Variants in MSN observed in about 807,000 individuals in gnomAD.
MSN encodes moesin.
In MSN, 2 loss-of-function variants were observed where a neutral mutation model predicts 48.0. That is an observed-to-expected ratio of 0.04 (90% confidence interval 0.02 to 0.13). The LOEUF (loss-of-function observed/expected upper bound fraction) is 0.13, where lower values mean the gene tolerates loss of function less well. Ranked by LOEUF, MSN falls within the 10% of genes least tolerant of loss-of-function variation. MSN has a pLI of 1.00. For synonymous variants in MSN, 146 were observed against 166.9 expected (o/e 0.87, Z 0.97); for missense variants, 267 against 470.1 (o/e 0.57, Z 3.99).
At chrX:65,737,798 A>G (rs1023969428) in intron 10 of MSN, among the ~76,000 whole-genome samples, 2 of 90,700 alleles carry the variant, frequency 2.2e-5, no homozygotes, top group African/African-American at 1.0e-4. Flanking sequence ...GTAGCTAAAT[A>G]AGGATTAGAA....
intron 1 of MSN, among the ~76,000 whole-genome samples, chrX:65,620,019 C>T (rs774545033): frequency 2.7e-5 from 3 of 111,673 alleles, no homozygotes; most frequent in Admixed American, 1.9e-4. Flanking sequence ...TTAGGCTGCT[C>T]GGGGATCAGG....
At chrX:65,647,401 T>G (rs1360859217) in intron 1 of MSN, among the ~76,000 whole-genome samples, 1 of 110,567 alleles carries the variant, frequency 9.0e-6, no homozygotes. Context: ...TTAGTAGAGG[T>G]GGGATTTTGC....
chrX:65,618,709 T>G (rs1366781228), intron 1 of MSN, among the ~76,000 whole-genome samples: 1 of 110,195 alleles, frequency 9.1e-6, no homozygotes, highest in Non-Finnish European at 1.9e-5. Flanking sequence ...CCATTTACAT[T>G]TAAAGTTAAT....
chrX:65,608,071 C>A (rs1474309499), intron 1 of MSN, among the ~76,000 whole-genome samples: 1 of 112,192 alleles, frequency 8.9e-6, no homozygotes, highest in African/African-American at 3.2e-5. Flanking sequence ...AGGTGCAGGA[C>A]AAAGCTCTGT....
rs376907310 is a variant in MSN at position 65,695,062 on chromosome X, T to TTG, written c.13-21742_13-21741dup. ...TATGCTGGTAGCTTTCACTTCTTCT[T>TTG]TGTGTGTGTGTGTGTCTGCGTGTGT... On this transcript the variant is annotated intron_variant, in intron 1 of 12. Coordinates refer to ENST00000360270, the MANE Select transcript of MSN (RefSeq NM_002444.3). Among the ~76,000 whole-genome samples the TTG allele has an allele frequency of 4.5e-3, 495 of 108,846 alleles. 1 individual carries two copies. The highest frequency in any genetic ancestry group is 8.4e-3 in the African/African-American group (249 of 29,603). The allele number at this position is 108,846 out of a possible 115,157, so 94.5% of individuals were successfully genotyped here.
intron 1 of MSN, among the ~76,000 whole-genome samples, chrX:65,673,845 T>C (rs950712863): frequency 2.7e-5 from 3 of 111,596 alleles, no homozygotes; most frequent in Non-Finnish European, 5.6e-5. Flanking sequence ...TTGAGTGAAC[T>C]GGTGATAGTG....
chrX:65,702,007 C>CTT (rs370395222), intron 1 of MSN, among the ~76,000 whole-genome samples: 13 of 93,745 alleles, frequency 1.4e-4, no homozygotes, highest in African/African-American at 2.7e-4. Context: ...ATTCAATTGG[C>CTT]TTTTTTTTTT....
intron 1 of MSN, among the ~76,000 whole-genome samples, chrX:65,593,652 C>T (rs1270677230): frequency 8.9e-6 from 1 of 112,305 alleles, no homozygotes; most frequent in Admixed American, 9.4e-5. Context: ...AAGCGACTCT[C>T]CTGCCTCAGC....
intron 1 of MSN, among the ~76,000 whole-genome samples, chrX:65,614,751 T>A (rs1485974077): frequency 9.6e-6 from 1 of 103,862 alleles, no homozygotes; most frequent in Non-Finnish European, 2.0e-5. Context: ...ATGTGCACAT[T>A]GTGCAGGTTA....
chrX:65,730,914 T>C (rs914033794), intron 4 of MSN, among the ~76,000 whole-genome samples, 193 bp from the exon 5 acceptor site: 1 of 112,097 alleles, frequency 8.9e-6, no homozygotes, highest in African/African-American at 3.2e-5. Context: ...TGTAGCTCTC[T>C]TACCTTTCAG....
Position 65,713,805 on chromosome X carries a change from G to T in MSN, c.13-3013G>T, listed in dbSNP as rs774434075. Among the ~76,000 whole-genome samples, 4 of 111,333 alleles carry T rather than the reference G, an allele frequency of 3.6e-5. No homozygotes were observed. The South Asian group carries it at 1.5e-3, about 42-fold the overall frequency. ...CCCACCCTCCACCTTCTATGTGTCTGTGTGTTCTCATCATTTAATTCCCAC... is the reference window on the plus strand; with the variant it reads ...CCCACCCTCCACCTTCTATGTGTCTTTGTGTTCTCATCATTTAATTCCCAC... On this transcript the variant is annotated intron_variant, in intron 1 of 12. Coordinates refer to ENST00000360270, the MANE Select transcript of MSN (RefSeq NM_002444.3).
Position 65,731,797 on chromosome X carries a change from C to G in MSN, c.552-41C>G, listed in dbSNP as rs370075095. 8.1e-5 allele frequency: 96 copies of G among 1,188,719 alleles called. No individual in the cohort carries two copies. In the African/African-American group the frequency reaches 1.7e-3, roughly 21 times the overall value. On this transcript the variant is annotated intron_variant, in intron 5 of 12. Coordinates refer to ENST00000360270, the MANE Select transcript of MSN (RefSeq NM_002444.3). Reference sequence around the variant, plus strand: ...GCTTTCTATCTCCTTGGGTCTGACTCACAAGCCCCACTTTGTGACCCCCAA... The same window carrying G: ...GCTTTCTATCTCCTTGGGTCTGACTGACAAGCCCCACTTTGTGACCCCCAA...
intron 1 of MSN, among the ~76,000 whole-genome samples, chrX:65,608,070 A>G (rs1165375932): frequency 8.9e-6 from 1 of 112,456 alleles, no homozygotes; most frequent in Non-Finnish European, 1.9e-5. Context: ...GAGGTGCAGG[A>G]CAAAGCTCTG....
chrX:65,640,002 A>C (rs1251177417), intron 1 of MSN, among the ~76,000 whole-genome samples: 1 of 111,756 alleles, frequency 8.9e-6, no homozygotes, highest in Non-Finnish European at 1.9e-5. Context: ...GAGACCAGAA[A>C]GGAAGGACAC....
chrX:65,692,220 G>T (rs944882195), intron 1 of MSN, among the ~76,000 whole-genome samples: 2 of 112,500 alleles, frequency 1.8e-5, no homozygotes, highest in African/African-American at 6.5e-5. Context: ...CTAAGGTCAG[G>T]GATTTGAGCC....
chrX:65,599,963 C>T (rs1227686421), intron 1 of MSN, among the ~76,000 whole-genome samples: 1 of 109,816 alleles, frequency 9.1e-6, no homozygotes, highest in African/African-American at 3.3e-5. Context: ...AGAAAAGATA[C>T]TGACATCAGG....
At chrX:65,700,193 G>T (rs1486999708) in intron 1 of MSN, among the ~76,000 whole-genome samples, 1 of 111,688 alleles carries the variant, frequency 9.0e-6, no homozygotes, top group Non-Finnish European at 1.9e-5. Flanking sequence ...TTTTCTGTTT[G>T]TAAAGGATAA....
In MSN at chrX:65,729,704, C is replaced by T; in HGVS notation, c.459C>T (p.Leu153=). The T allele has an allele frequency of 3.3e-6, 4 of 1,209,534 alleles. No individual in the cohort carries two copies. Among genetic ancestry groups the T allele is most frequent in the Non-Finnish European group, 4.5e-6 (4 of 894,193 alleles). Residue 153 remains leucine, a synonymous_variant, in exon 4 of 13, where the codon CTC becomes CTT. Transcript: ENST00000360270. ...GCTACCTGGCCGGAGACAAGTTGCT[C>T]CCGCAGAGGTGAGGTGGTTCCCTGC... ...KSGYLAGDKL[L]PQRVLEQHKL... is the part of the protein sequence containing the mutation.
chrX:65,618,013 G>C (rs992480627), intron 1 of MSN, among the ~76,000 whole-genome samples: 15 of 108,985 alleles, frequency 1.4e-4, no homozygotes, highest in African/African-American at 4.0e-4. Flanking sequence ...GTAGTTGAGC[G>C]GTATTGAGTG....
Sources: allele counts gnomAD v4.1 joint callset (sites outside exome capture counted in the v4.1 genomes callset), GRCh38; gene constraint gnomAD v4.1.1; transcripts MANE v1.5; gene names NCBI Gene and HGNC (gene_info 2026-07-23, HGNC 2026-07-21).